The following PLCB1 variants were observed in gnomAD, a reference collection of about 807,000 sequenced individuals.
PLCB1 encodes phospholipase C beta 1, also known as 1-phosphatidylinositol 4,5-bisphosphate phosphodiesterase beta-1.
Under a neutral mutation model 161.8 loss-of-function variants are expected in PLCB1, and 46 were observed. The ratio of observed to expected loss-of-function variants is 0.28; its 90% CI spans 0.22 to 0.36. The LOEUF (loss-of-function observed/expected upper bound fraction) is 0.36, where lower values mean the gene tolerates loss of function less well. PLCB1 is among the 10% of genes least tolerant of loss of function. The pLI is 1.00. For synonymous variants in PLCB1, 517 were observed against 503.7 expected (o/e 1.03, Z -0.35); for missense variants, 1,016 against 1,472.5 (o/e 0.69, Z 5.07).
chr20:8,486,528 G>T (rs1037794137), intron 3 of PLCB1, among the ~76,000 whole-genome samples: 1 of 111,766 alleles, frequency 8.9e-6, no homozygotes, highest in African/African-American at 3.7e-5. Flanking sequence ...TCGCTCTGTC[G>T]CCCAGGCCGG....
intron 3 of PLCB1, among the ~76,000 whole-genome samples, chr20:8,501,968 G>C (rs146628499): frequency 7.5e-6 from 1 of 133,576 alleles, no homozygotes; most frequent in East Asian, 2.2e-4. Flanking sequence ...CTCCAAAGTT[G>C]ATATTGTTTT....
chr20:8,487,380 G>A (rs894461809), intron 3 of PLCB1, among the ~76,000 whole-genome samples: 3 of 152,152 alleles, frequency 2.0e-5, no homozygotes, highest in Admixed American at 6.5e-5. Flanking sequence ...TGAAGTGGAG[G>A]TTTCCCAGTG....
intron 4 of PLCB1, among the ~76,000 whole-genome samples, chr20:8,644,469 C>A (rs1260629777): frequency 6.8e-6 from 1 of 147,020 alleles, no homozygotes; most frequent in Non-Finnish European, 1.5e-5. Flanking sequence ...ATGTGAGGAG[C>A]GCCTCTGCCC....
rs139473965 is a variant in PLCB1 at position 8,877,330 on chromosome 20, G to T, written c.3424-4292G>T. 3.3e-5 allele frequency among the ~76,000 whole-genome samples: 5 copies of T among 152,334 alleles called. No homozygotes were observed. The East Asian group carries it at 9.6e-4, about 29-fold the overall frequency. On this transcript the variant is annotated intron_variant, in intron 31 of 31. Coordinates refer to ENST00000338037, the MANE Select transcript of PLCB1 (RefSeq NM_015192.4). ...TTCGGGAGTCCCCTGGTTAAAGCCAGATTTAAATCTGTTAGGGGAAAGGTT... is the reference window on the plus strand; with the variant it reads ...TTCGGGAGTCCCCTGGTTAAAGCCATATTTAAATCTGTTAGGGGAAAGGTT...
chr20:8,581,346 G>T (rs1261177785), intron 3 of PLCB1, among the ~76,000 whole-genome samples: 1 of 152,124 alleles, frequency 6.6e-6, no homozygotes, highest in Non-Finnish European at 1.5e-5. Context: ...CTGTCCAGTG[G>T]TTATAACCAG....
At chr20:8,821,477 CAAAA>C (rs548686757) in intron 31 of PLCB1, among the ~76,000 whole-genome samples, 221 of 19,168 alleles carry the variant, frequency 0.012, 13 homozygotes, top group African/African-American at 0.024. Context: ...GATTCCGTCT[CAAAA>C]AAAAAAAAAA....
chr20:8,473,853 A>G (rs1982158144), intron 3 of PLCB1, among the ~76,000 whole-genome samples: 1 of 152,236 alleles, frequency 6.6e-6, no homozygotes, highest in Non-Finnish European at 1.5e-5. Flanking sequence ...CCTGATGCAG[A>G]ACCTTAACCC....
intron 2 of PLCB1, among the ~76,000 whole-genome samples, chr20:8,349,809 T>G (rs894961272): frequency 6.6e-6 from 1 of 152,016 alleles, no homozygotes; most frequent in Non-Finnish European, 1.5e-5. Flanking sequence ...GAAGGAGATA[T>G]GGAGGGGTCA....
chr20:8,198,430 A>G (rs935948910), intron 2 of PLCB1, among the ~76,000 whole-genome samples: 1 of 152,004 alleles, frequency 6.6e-6, no homozygotes, highest in Non-Finnish European at 1.5e-5. Context: ...TCTCCATTCA[A>G]GGTTGCAGAA....
intron 2 of PLCB1, among the ~76,000 whole-genome samples, chr20:8,222,260 A>G (rs1426282130): frequency 6.6e-6 from 1 of 152,124 alleles, no homozygotes; most frequent in African/African-American, 2.4e-5. Flanking sequence ...TTCCTTTAGC[A>G]TTTGCCATTG....
intron 4 of PLCB1, among the ~76,000 whole-genome samples, chr20:8,639,372 T>A (rs1374915430): frequency 6.6e-6 from 1 of 152,218 alleles, no homozygotes; most frequent in Admixed American, 6.5e-5. Context: ...TGCTTACTTA[T>A]CTTATTAGGA....
chr20:8,868,816 T>G (rs532714664), intron 31 of PLCB1, among the ~76,000 whole-genome samples: 1 of 152,010 alleles, frequency 6.6e-6, no homozygotes, highest in South Asian at 2.1e-4. Flanking sequence ...TTATTTTTAG[T>G]AGAGATGGGA....
At chr20:8,749,988 G>C (rs1047828305) in intron 23 of PLCB1, among the ~76,000 whole-genome samples, 1 of 151,832 alleles carries the variant, frequency 6.6e-6, no homozygotes, top group Non-Finnish European at 1.5e-5. Context: ...CTATGTGTCA[G>C]TCACTCTGAT....
chr20:8,381,716 C>G (rs571961977), intron 3 of PLCB1, among the ~76,000 whole-genome samples: 1 of 152,240 alleles, frequency 6.6e-6, no homozygotes, highest in South Asian at 2.1e-4. Context: ...TCTAGATTTT[C>G]TAGTTTATTC....
chr20:8,792,375 A>T (rs77316527), intron 31 of PLCB1, among the ~76,000 whole-genome samples: 1 of 152,210 alleles, frequency 6.6e-6, no homozygotes, highest in Non-Finnish European at 1.5e-5. Context: ...CCTCAGTTCC[A>T]TGGTCATCAG....
At chr20:8,878,386 A>C (rs576512141) in intron 31 of PLCB1, among the ~76,000 whole-genome samples, 59 of 152,242 alleles carry the variant, frequency 3.9e-4, no homozygotes, top group Non-Finnish European at 7.3e-4. Context: ...TCATTCATGC[A>C]AAAGAGTACG....
At chr20:8,455,628 G>A (rs145573098) in intron 3 of PLCB1, among the ~76,000 whole-genome samples, 2,982 of 151,722 alleles carry the variant, frequency 0.02, 93 homozygotes, top group African/African-American at 0.069. Context: ...TTTTAGTAGA[G>A]ACAGGGTTTC....
At chr20:8,426,332 C>T (rs1979770698) in intron 3 of PLCB1, among the ~76,000 whole-genome samples, 1 of 152,186 alleles carries the variant, frequency 6.6e-6, no homozygotes, top group African/African-American at 2.4e-5. Flanking sequence ...AGAATAGGAA[C>T]TCTGTTACAA....
chr20:8,822,391 C>T (rs1269253331), intron 31 of PLCB1, among the ~76,000 whole-genome samples: 1 of 152,154 alleles, frequency 6.6e-6, no homozygotes, highest in Non-Finnish European at 1.5e-5. Context: ...TAGCCAGGAA[C>T]CCTGTGCTGG....
Sources: gnomAD v4.1 joint callset for allele counts (sites outside exome capture counted in the v4.1 genomes callset) on GRCh38, gnomAD v4.1.1 for gene constraint, MANE v1.5 for transcripts, NCBI Gene and HGNC (gene_info 2026-07-23, HGNC 2026-07-21) for gene names.